UNC13B: variants seen among roughly 807,000 people sequenced by gnomAD.
The protein encoded by UNC13B is protein unc-13 homolog B.
In UNC13B, 144 loss-of-function variants were observed where a neutral mutation model predicts 211.0. The ratio of observed to expected loss-of-function variants is 0.68; its 90% CI spans 0.60 to 0.78. The LOEUF (loss-of-function observed/expected upper bound fraction) is 0.78. Ranked by LOEUF, UNC13B falls within the 30% of genes least tolerant of loss-of-function variation. The pLI, the probability that UNC13B is intolerant of heterozygous loss-of-function variation, is 0.00. For synonymous variants in UNC13B, 709 were observed against 725.8 expected, an observed-to-expected ratio of 0.98 and a Z score of 0.37; for missense variants, 1,777 against 2,002.0, an observed-to-expected ratio of 0.89 and a Z score of 2.14.
rs778426056 is a variant in UNC13B, at chr9:35,389,869, A to G, written c.11118A>G (p.Glu3706=). 28 of 1,614,042 alleles carry G rather than the reference A, an allele frequency of 1.7e-5. No homozygotes were observed. In the Admixed American group the frequency reaches 4.3e-4, roughly 25 times the overall value. Residue 3706 remains glutamate (E), a synonymous_variant, in exon 25 of 40, where the codon GAA becomes GAG. Coordinates refer to ENST00000635942, the MANE Select transcript of UNC13B (RefSeq NM_001371189.2). ...YQLKQELPPE[E]QGPSIRNLDF... ...AGAAGCAGGAGCTACCTCCAGAGGAACAAGGGCCCAGCATTCGGAACCTGG... is the reference window on the plus strand; with the variant it reads ...AGAAGCAGGAGCTACCTCCAGAGGAGCAAGGGCCCAGCATTCGGAACCTGG...
chr9:35,378,908 TC>T (rs1834634670), intron 17 of UNC13B, among the ~76,000 whole-genome samples: 1 of 152,186 alleles, frequency 6.6e-6, no homozygotes, highest in Non-Finnish European at 1.5e-5. Context: ...AGATGCTGTT[TC>T]CCATAAAGAT....
chr9:35,402,410 T>C (rs1473604784), intron 37 of UNC13B, among the ~76,000 whole-genome samples: 2 of 151,966 alleles, frequency 1.3e-5, no homozygotes, highest in Non-Finnish European at 2.9e-5. Flanking sequence ...GCCTCCCTAG[T>C]AGCTGGGACT....
intron 1 of UNC13B, among the ~76,000 whole-genome samples, chr9:35,210,317 T>A (rs1192103241): frequency 1.3e-5 from 2 of 152,212 alleles, no homozygotes; most frequent in African/African-American, 4.8e-5. Flanking sequence ...TAAATGAATT[T>A]AAAAATTCAT....
intron 3 of UNC13B, among the ~76,000 whole-genome samples, chr9:35,234,284 TA>T (rs1045311627): frequency 6.6e-6 from 1 of 151,894 alleles, no homozygotes; most frequent in Non-Finnish European, 1.5e-5. Flanking sequence ...TCTAGCTAAT[TA>T]AAAAAAATTT....
intron 11 of UNC13B, among the ~76,000 whole-genome samples, chr9:35,328,654 TCCTTCCTTCCTCCCTC>T (rs1171571933): frequency 0.017 from 1,729 of 101,222 alleles, 112 homozygotes; most frequent in African/African-American, 0.074. Context: ...CTTCCTTCCT[TCCTTCCTTCCTCCCTC>T]CCTTCCTTCC....
intron 24 of UNC13B, 46 bp from the exon 25 acceptor site, chr9:35,389,800 A>G (rs565748830): frequency 1.2e-6 from 2 of 1,607,442 alleles, no homozygotes; most frequent in East Asian, 2.2e-5. Flanking sequence ...TCTACATTCT[A>G]CTCTGACTCT....
rs368565454 is a variant in UNC13B at position 35,353,752 on chromosome 9, ACTT to A, written c.9415-13192_9415-13190del. 4.5e-5 allele frequency: 56 copies of A among 1,231,952 alleles called. No individual in the cohort carries two copies. In the East Asian group the frequency reaches 1.2e-3, roughly 26 times the overall value. The allele number at this position is 1,231,952 out of a possible 1,614,324, so 76.3% of individuals were successfully genotyped here. On this transcript the variant is annotated intron_variant, in intron 11 of 39. Coordinates refer to ENST00000635942, the MANE Select transcript of UNC13B (RefSeq NM_001371189.2). The stretch of plus-strand genomic sequence containing the variant: ...GAGAGAAAAGACTAAGGCAGAAAAA[ACTT>A]CTGCATGAGCTAGTACAGAAGGCAA...
At chr9:35,355,869 T>G (rs1816604510) in intron 11 of UNC13B, among the ~76,000 whole-genome samples, 1 of 152,146 alleles carries the variant, frequency 6.6e-6, no homozygotes. Flanking sequence ...TCTTACAAGC[T>G]CTTTAAATAT....
chr9:35,317,200 G>GTTTGTTTATTT (rs2131890942), intron 11 of UNC13B, among the ~76,000 whole-genome samples: 1 of 152,196 alleles, frequency 6.6e-6, no homozygotes, highest in Admixed American at 6.5e-5. Flanking sequence ...GCAAACAAAT[G>GTTTGTTTATTT]TTTGTTTATT....
chr9:35,202,490 CTT>C (rs1823370001), intron 1 of UNC13B, among the ~76,000 whole-genome samples: 1 of 152,104 alleles, frequency 6.6e-6, no homozygotes, highest in African/African-American at 2.4e-5. Context: ...GTCTAAGTCT[CTT>C]TGTAGGTCTC....
chr9:35,209,587 C>T (rs749830477), intron 1 of UNC13B, among the ~76,000 whole-genome samples: 6 of 151,292 alleles, frequency 4.0e-5, no homozygotes, highest in East Asian at 3.9e-4. Context: ...CATGTTGGCC[C>T]GGCTGGTCTC....
In UNC13B at chr9:35,403,860, G is replaced by A. The variant is rs752531061; in HGVS notation, c.12850G>A (p.Asp4284Asn). The A allele has an allele frequency of 1.9e-6, 3 of 1,614,186 alleles. No homozygotes were observed. The highest frequency in any genetic ancestry group is 1.7e-5 in the Admixed American group (1 of 60,032). The change falls in exon 40 of 40, where the codon GAT becomes AAT. Residue 4284 changes from aspartate to asparagine, a missense_variant. Asp to Asn is a conservative substitution (Grantham distance 23). Coordinates refer to ENST00000635942, the MANE Select transcript of UNC13B (RefSeq NM_001371189.2). ...VLGLAVMPLR[D>N]VTAKGSCACW... is the part of the protein sequence containing the mutation. Reference sequence around the variant, plus strand: ...AGGGCTGGCTGTGATGCCTCTGAGGGATGTCACAGCCAAGGGCAGCTGTGC... The same window carrying A: ...AGGGCTGGCTGTGATGCCTCTGAGGAATGTCACAGCCAAGGGCAGCTGTGC...
At position 35,300,738 on chromosome 9, in the gene UNC13B, C is replaced by G. The variant is rs1829635765; in HGVS notation, c.1334C>G (p.Pro445Arg). ...GAGTGCTCTATAGAAGAGATAACCC[C>G]TTCCTCTATTGAGGAGCCCAAGGAG... ...LSECSIEEIT[P>R]SSIEEPKEDR... The change falls in exon 9 of 40, where the codon CCT becomes CGT. Residue 445 changes from proline to arginine, a missense_variant. Physicochemically the swap from Pro to Arg is moderately radical, Grantham distance 103 (BLOSUM62 -2). Transcript: ENST00000635942. 2.5e-6 allele frequency: 1 copy of G among 398,852 alleles called. No individual in the cohort carries two copies. The allele number at this position is 398,852 out of a possible 1,614,324, so 24.7% of individuals were successfully genotyped here.
chr9:35,271,594 C>T (rs1827884842), intron 7 of UNC13B, among the ~76,000 whole-genome samples: 1 of 152,170 alleles, frequency 6.6e-6, no homozygotes. Flanking sequence ...CCTAAAGTTT[C>T]TAAGGTATTT....
In UNC13B at chr9:35,385,760, G is replaced by A; in HGVS notation, c.10912G>A (p.Asp3638Asn). The change falls in exon 23 of 40, where the codon GAC becomes AAC. Residue 3638 changes from aspartate (D) to asparagine (N), a missense_variant. Asp to Asn is a conservative substitution (Grantham distance 23, BLOSUM62 1). Transcript: ENST00000635942. Reference sequence around the variant, plus strand: ...TGCTGGGAGTCCTGAACGGCTTCAGGACTTAAAATCCACAGTGGATTTGCT... The same window carrying A: ...TGCTGGGAGTCCTGAACGGCTTCAGAACTTAAAATCCACAGTGGATTTGCT... ...FPAGSPERLQDLKSTVDLLTS... is the reference protein window; with the variant it reads ...FPAGSPERLQNLKSTVDLLTS... 6.2e-7 allele frequency: 1 copy of A among 1,610,032 alleles called. No homozygotes were observed. The highest frequency in any genetic ancestry group is 8.5e-7 in the Non-Finnish European group (1 of 1,176,594).
At chr9:35,274,313 A>G (rs542341293) in intron 7 of UNC13B, among the ~76,000 whole-genome samples, 2 of 152,136 alleles carry the variant, frequency 1.3e-5, no homozygotes, top group South Asian at 2.1e-4. Context: ...GCCTCAAGCT[A>G]TCCTCTGCCT....
intron 1 of UNC13B, among the ~76,000 whole-genome samples, chr9:35,166,958 G>A (rs900073808): frequency 6.6e-6 from 1 of 152,204 alleles, no homozygotes; most frequent in Non-Finnish European, 1.5e-5. Flanking sequence ...TGTCCAGCCT[G>A]TGGCATGTGA....
intron 1 of UNC13B, among the ~76,000 whole-genome samples, chr9:35,206,981 G>T (rs1223302870): frequency 6.6e-6 from 1 of 151,830 alleles, no homozygotes; most frequent in East Asian, 1.9e-4. Flanking sequence ...TCTGCTGTTT[G>T]GATGTTATGT....
rs1467678698 is a variant in UNC13B, at chr9:35,307,409, C to G, written c.8005C>G (p.Pro2669Ala). The G allele has an allele frequency of 7.5e-6, 3 of 398,940 alleles. No homozygotes were observed. The highest frequency in any genetic ancestry group is 1.3e-5 in the Non-Finnish European group (3 of 226,170). The allele number at this position is 398,940 out of a possible 1,614,324, so 24.7% of individuals were successfully genotyped here. A position where few individuals can be genotyped will look rare whatever the true frequency, so the allele number is the denominator to read the frequency against. Residue 2669 changes from proline to alanine, a missense_variant, in exon 9 of 40, where the codon CCC (proline) becomes GCC (alanine). Coordinates refer to ENST00000635942, the MANE Select transcript of UNC13B (RefSeq NM_001371189.2). ...PTCIAEELPP[P>A]IQPPLPLEPE... is the part of the protein sequence containing the mutation. ...CTGCATTGCCGAAGAGCTTCCTCCT[C>G]CCATTCAGCCACCTCTTCCTCTTGA...
Sources: allele counts gnomAD v4.1 joint callset (sites outside exome capture counted in the v4.1 genomes callset), GRCh38; gene constraint gnomAD v4.1.1; transcripts MANE v1.5; gene names NCBI Gene and HGNC (gene_info 2026-07-23, HGNC 2026-07-21).